The following THRB variants were observed in gnomAD, a reference collection of about 807,000 sequenced individuals.
THRB encodes thyroid hormone receptor beta.
A neutral mutation model predicts 47.8 loss-of-function variants in THRB; 12 were observed. The observed-to-expected ratio is 0.25, with a 90% CI of 0.16 to 0.41. The LOEUF (loss-of-function observed/expected upper bound fraction) is 0.41, where lower values mean the gene tolerates loss of function less well. Among genes scored for constraint, THRB ranks in the 10% least tolerant of loss-of-function variants. The pLI is 1.00. For missense variants in THRB, 348 were observed against 589.2 expected (o/e 0.59, Z 4.24); for synonymous variants, 218 against 212.2 (o/e 1.03, Z -0.24).
chr3:24,461,199 T>C (rs186929171), intron 1 of THRB, among the ~76,000 whole-genome samples: 16 of 152,310 alleles, frequency 1.1e-4, no homozygotes, highest in African/African-American at 3.6e-4. Context: ...TCTTGGGTTT[T>C]GAAGTGAGGC....
chr3:24,449,140 G>GT (rs2072394986), intron 1 of THRB, among the ~76,000 whole-genome samples: 1 of 152,128 alleles, frequency 6.6e-6, no homozygotes, highest in Admixed American at 6.5e-5. Flanking sequence ...GGGAAAATCA[G>GT]TTCTTCAGAA....
chr3:24,467,294 T>C (rs1056765314), intron 1 of THRB, among the ~76,000 whole-genome samples: 2 of 152,216 alleles, frequency 1.3e-5, no homozygotes, highest in Non-Finnish European at 2.9e-5. Flanking sequence ...TACTTCTTCC[T>C]CTAAAGTTCT....
At chr3:24,234,234 C>T (rs975709121) in intron 3 of THRB, among the ~76,000 whole-genome samples, 3 of 152,092 alleles carry the variant, frequency 2.0e-5, no homozygotes, top group Admixed American at 6.5e-5. Context: ...AATGGGTAAG[C>T]CATTTGGTAT....
At chr3:24,170,880 G>A (rs948366255) in intron 5 of THRB, among the ~76,000 whole-genome samples, 1 of 152,178 alleles carries the variant, frequency 6.6e-6, no homozygotes, top group East Asian at 1.9e-4. Flanking sequence ...AAGATAAAAT[G>A]TTACATATTG....
chr3:24,381,555 T>A (rs2065714139), intron 1 of THRB, among the ~76,000 whole-genome samples: 1 of 152,156 alleles, frequency 6.6e-6, no homozygotes, highest in Non-Finnish European at 1.5e-5. Flanking sequence ...ACTGTCTTTA[T>A]CAAAAGCAAA....
chr3:24,217,373 G>A (rs2046676682), intron 4 of THRB, among the ~76,000 whole-genome samples: 2 of 152,014 alleles, frequency 1.3e-5, no homozygotes, highest in African/African-American at 4.8e-5. Flanking sequence ...TGTATAGCGT[G>A]GGAACATTGA....
At chr3:24,398,277 C>T (rs1167193162) in intron 1 of THRB, among the ~76,000 whole-genome samples, 1 of 152,066 alleles carries the variant, frequency 6.6e-6, no homozygotes, top group African/African-American at 2.4e-5. Flanking sequence ...AAGAAAGTAC[C>T]ATCAGAGTGA....
chr3:24,203,181 A>G (rs995182128), intron 4 of THRB, among the ~76,000 whole-genome samples: 1 of 152,202 alleles, frequency 6.6e-6, no homozygotes, highest in Non-Finnish European at 1.5e-5. Flanking sequence ...GGGAGGCTGC[A>G]GTGGGTGGCT....
intron 2 of THRB, among the ~76,000 whole-genome samples, chr3:24,308,728 A>T (rs2057534741): frequency 6.6e-6 from 1 of 152,212 alleles, no homozygotes; most frequent in African/African-American, 2.4e-5. Context: ...TGCCCATGGT[A>T]TAAACTCAAT....
intron 1 of THRB, among the ~76,000 whole-genome samples, chr3:24,414,903 G>A (rs1006076647): frequency 2.0e-5 from 3 of 151,880 alleles, no homozygotes; most frequent in Non-Finnish European, 4.4e-5. Flanking sequence ...GGCATTAGCT[G>A]AAACTCATCT....
intron 6 of THRB, among the ~76,000 whole-genome samples, chr3:24,150,370 G>GTGA (rs1361811323): frequency 2.0e-5 from 3 of 152,100 alleles, no homozygotes; most frequent in Non-Finnish European, 2.9e-5. Flanking sequence ...AAGATGCTTT[G>GTGA]TCATTATATT....
chr3:24,379,354 G>T (rs909903943), intron 1 of THRB, among the ~76,000 whole-genome samples: 2 of 152,142 alleles, frequency 1.3e-5, no homozygotes, highest in Non-Finnish European at 2.9e-5. Flanking sequence ...CTATTTGTTA[G>T]CTGTTGAGCT....
chr3:24,210,263 G>T (rs1215353842), intron 4 of THRB, among the ~76,000 whole-genome samples: 1 of 152,184 alleles, frequency 6.6e-6, no homozygotes, highest in African/African-American at 2.4e-5. Context: ...GGAGGAAACT[G>T]CCAAAGTGAG....
chr3:24,167,026 T>C (rs1202409074), intron 5 of THRB, among the ~76,000 whole-genome samples: 2 of 152,102 alleles, frequency 1.3e-5, no homozygotes, highest in East Asian at 3.9e-4. Flanking sequence ...TGTCAATAAG[T>C]AGCTTAATAG....
intron 1 of THRB, among the ~76,000 whole-genome samples, chr3:24,394,720 C>T (rs1265658648): frequency 5.3e-5 from 8 of 152,084 alleles, no homozygotes; most frequent in Non-Finnish European, 1.2e-4. Context: ...ACTCACAGGT[C>T]ACACACTGTA....
At chr3:24,440,257 A>T (rs1440945130) in intron 1 of THRB, among the ~76,000 whole-genome samples, 1 of 152,170 alleles carries the variant, frequency 6.6e-6, no homozygotes, top group African/African-American at 2.4e-5. Flanking sequence ...TACTCAAAGT[A>T]TGTGCCATGC....
chr3:24,204,966 A>AGAAACG (rs1293446990), intron 4 of THRB, among the ~76,000 whole-genome samples: 1 of 152,236 alleles, frequency 6.6e-6, no homozygotes, highest in African/African-American at 2.4e-5. Flanking sequence ...AAGAGTAAAA[A>AGAAACG]GAAACGAACA....
intron 1 of THRB, among the ~76,000 whole-genome samples, chr3:24,344,686 G>GAT (rs56725603): frequency 0.25 from 37,457 of 149,550 alleles, 5,625 homozygotes; most frequent in African/African-American, 0.43. Context: ...AATATGTAGG[G>GAT]ATATATATAT....
At chr3:24,485,390 G>A (rs1697138225) in intron 1 of THRB, among the ~76,000 whole-genome samples, 1 of 152,170 alleles carries the variant, frequency 6.6e-6, no homozygotes, top group Non-Finnish European at 1.5e-5. Flanking sequence ...CTCGGAGAAA[G>A]TGAAATCTGT....
Sources: gnomAD v4.1 joint callset for allele counts (sites outside exome capture counted in the v4.1 genomes callset) on GRCh38, gnomAD v4.1.1 for gene constraint, MANE v1.5 for transcripts, NCBI Gene and HGNC (gene_info 2026-07-23, HGNC 2026-07-21) for gene names.